GPC5: variants seen among roughly 807,000 people sequenced by gnomAD.
The protein encoded by GPC5 is glypican 5.
In GPC5, 47 loss-of-function variants were observed where a neutral mutation model predicts 53.9. The observed-to-expected ratio is 0.87, with a 90% CI of 0.69 to 1.11. The LOEUF is 1.11. Ranked by LOEUF, GPC5 falls within the 50% of genes most tolerant of loss-of-function variation. GPC5 has a pLI of 0.00. For synonymous variants in GPC5, 286 were observed against 263.3 expected, an observed-to-expected ratio of 1.09 and a Z score of -0.84; for missense variants, 748 against 713.1, an observed-to-expected ratio of 1.05 and a Z score of -0.56.
At chr13:91,494,579 C>T (rs1304883151) in intron 2 of GPC5, among the ~76,000 whole-genome samples, 2 of 152,178 alleles carry the variant, frequency 1.3e-5, no homozygotes, top group African/African-American at 2.4e-5. Flanking sequence ...CTGCAACAGA[C>T]TTTCACCTGT....
chr13:92,179,364 T>C (rs1408759916), intron 7 of GPC5, among the ~76,000 whole-genome samples: 1 of 152,216 alleles, frequency 6.6e-6, no homozygotes, highest in African/African-American at 2.4e-5. Context: ...TAAGTGCAGA[T>C]GCCTAAAAGG....
chr13:92,420,642 T>C (rs1406377099), intron 7 of GPC5, among the ~76,000 whole-genome samples: 1 of 152,130 alleles, frequency 6.6e-6, no homozygotes, highest in Non-Finnish European at 1.5e-5. Context: ...CTCACCCCCT[T>C]ACTACCCTTC....
intron 6 of GPC5, among the ~76,000 whole-genome samples, chr13:91,955,607 G>A (rs2040065976): frequency 6.6e-6 from 1 of 152,140 alleles, no homozygotes; most frequent in Non-Finnish European, 1.5e-5. Flanking sequence ...GACCCCCAGT[G>A]GTCCCATTCC....
At chr13:92,029,514 A>G (rs2040825123) in intron 6 of GPC5, among the ~76,000 whole-genome samples, 1 of 152,210 alleles carries the variant, frequency 6.6e-6, no homozygotes, top group African/African-American at 2.4e-5. Flanking sequence ...TCTCGGGTTC[A>G]ACAGCATCTG....
At chr13:91,817,004 T>TA (rs990173648) in intron 5 of GPC5, among the ~76,000 whole-genome samples, 3 of 152,228 alleles carry the variant, frequency 2.0e-5, no homozygotes, top group East Asian at 3.8e-4. Context: ...CTCTCCAGTA[T>TA]AAAAAATGTT....
chr13:91,563,146 G>A (rs555681894), intron 2 of GPC5, among the ~76,000 whole-genome samples: 20 of 151,968 alleles, frequency 1.3e-4, no homozygotes, highest in African/African-American at 3.1e-4. Flanking sequence ...GCTAAAAATC[G>A]CAAGTAACAA....
At chr13:92,033,794 C>A (rs1374723858) in intron 6 of GPC5, among the ~76,000 whole-genome samples, 1 of 152,076 alleles carries the variant, frequency 6.6e-6, no homozygotes, top group African/African-American at 2.4e-5. Context: ...GTCTGCATTC[C>A]CTTCAGTAGG....
chr13:92,324,934 A>T (rs2043240376), intron 7 of GPC5, among the ~76,000 whole-genome samples: 1 of 151,968 alleles, frequency 6.6e-6, no homozygotes, highest in African/African-American at 2.4e-5. Context: ...TATTCTATAA[A>T]ACAAATCTGA....
chr13:92,742,556 C>T (rs1490008266), intron 7 of GPC5, among the ~76,000 whole-genome samples: 1 of 147,954 alleles, frequency 6.8e-6, no homozygotes, highest in East Asian at 2.5e-4. Flanking sequence ...ACGGTAGTTT[C>T]TTTTGCTGTG....
chr13:92,178,686 A>G (rs962086987), intron 7 of GPC5, among the ~76,000 whole-genome samples: 1 of 152,114 alleles, frequency 6.6e-6, no homozygotes, highest in Non-Finnish European at 1.5e-5. Context: ...TTAAAAATAA[A>G]CTAGTTTAGC....
At chr13:92,597,739 A>C (rs1160009930) in intron 7 of GPC5, among the ~76,000 whole-genome samples, 1 of 152,244 alleles carries the variant, frequency 6.6e-6, no homozygotes, top group African/African-American at 2.4e-5. Flanking sequence ...CAGAGAAAAG[A>C]TAGGAACCAA....
intron 7 of GPC5, among the ~76,000 whole-genome samples, chr13:92,251,381 A>G (rs1000796800): frequency 1.3e-5 from 2 of 152,102 alleles, no homozygotes; most frequent in Non-Finnish European, 2.9e-5. Flanking sequence ...TCTAACTGCT[A>G]TAAATGAAAG....
chr13:92,411,711 A>G (rs1330516535), intron 7 of GPC5, among the ~76,000 whole-genome samples: 1 of 152,206 alleles, frequency 6.6e-6, no homozygotes, highest in Non-Finnish European at 1.5e-5. Context: ...GTGTCATTAC[A>G]AGTTAGCTGC....
At chr13:92,218,026 C>A (rs759736893) in intron 7 of GPC5, among the ~76,000 whole-genome samples, 2 of 148,958 alleles carry the variant, frequency 1.3e-5, no homozygotes, top group African/African-American at 2.5e-5. Flanking sequence ...TGGGCTCCAG[C>A]GGTCCTCCTG....
chr13:92,854,151 A>G (rs1036923586), intron 7 of GPC5, among the ~76,000 whole-genome samples: 13 of 150,552 alleles, frequency 8.6e-5, no homozygotes, highest in African/African-American at 1.2e-4. Flanking sequence ...GTGAGCTTTA[A>G]TTTATGTGCT....
intron 2 of GPC5, among the ~76,000 whole-genome samples, chr13:91,456,656 C>T (rs1881578454): frequency 6.6e-6 from 1 of 151,860 alleles, no homozygotes; most frequent in Non-Finnish European, 1.5e-5. Flanking sequence ...GTATGACACT[C>T]ATTTTGTAAT....
At chr13:92,031,101 TACTGGTTTCTG>T in intron 6 of GPC5, among the ~76,000 whole-genome samples, 1 of 152,250 alleles carries the variant, frequency 6.6e-6, no homozygotes, top group South Asian at 2.1e-4. Context: ...CACCATGGCC[TACTGGTTTCTG>T]TCTTATTTCC....
intron 2 of GPC5, among the ~76,000 whole-genome samples, chr13:91,573,051 G>C (rs1031499071): frequency 1.3e-5 from 2 of 152,150 alleles, no homozygotes; most frequent in Non-Finnish European, 2.9e-5. Flanking sequence ...AATGGCCCCT[G>C]TTACTTTGAT....
chr13:92,205,485 C>T (rs893453275), intron 7 of GPC5, among the ~76,000 whole-genome samples: 1 of 152,032 alleles, frequency 6.6e-6, no homozygotes, highest in Admixed American at 6.5e-5. Flanking sequence ...AAAGACTCTC[C>T]GATCATTCCT....
Sources: allele counts gnomAD v4.1 joint callset (sites outside exome capture counted in the v4.1 genomes callset), GRCh38; gene constraint gnomAD v4.1.1; transcripts MANE v1.5; gene names NCBI Gene and HGNC (gene_info 2026-07-23, HGNC 2026-07-21).